The following SLCO4C1 variants were observed in gnomAD, a reference collection of about 807,000 sequenced individuals.
SLCO4C1 encodes organic anion transporter M1.
A neutral mutation model predicts 72.1 loss-of-function variants in SLCO4C1; 58 were observed. The ratio of observed to expected loss-of-function variants is 0.80; its 90% confidence interval spans 0.65 to 1.00. SLCO4C1 has a LOEUF of 1.00. Among genes scored for constraint, SLCO4C1 ranks in the 50% least tolerant of loss-of-function variants. The pLI is 0.00. For missense variants in SLCO4C1, 898 were observed against 857.9 expected (o/e 1.05, Z -0.58); for synonymous variants, 297 against 312.5 (o/e 0.95, Z 0.52).
Position 102,235,226 on chromosome 5 carries a change from C to T in SLCO4C1, c.*1632G>A, listed in dbSNP as rs1328877066. 1.3e-5 allele frequency: 2 copies of T among 152,194 alleles called. No homozygotes were observed. Among genetic ancestry groups the T allele is most frequent in the Non-Finnish European group, 2.9e-5 (2 of 68,032 alleles). 9.4% of individuals were successfully genotyped at this position (152,194 alleles called of 1,614,324 possible). On this transcript the variant is annotated 3_prime_UTR_variant, in exon 13 of 13. Coordinates refer to ENST00000310954, the MANE Select transcript of SLCO4C1 (RefSeq NM_180991.5). ...TCTTGGTTTCCTACAAGATCTAACA[C>T]TAAGCTTGTGTTATCCTGATTACAG...
intron 2 of SLCO4C1, among the ~76,000 whole-genome samples, chr5:102,281,925 A>G (rs534032379): frequency 6.6e-6 from 1 of 152,264 alleles, no homozygotes; most frequent in African/African-American, 2.4e-5. Context: ...AGAAAAATGA[A>G]AACTATGTTC....
At chr5:102,289,643 G>A (rs1320145389) in intron 2 of SLCO4C1, among the ~76,000 whole-genome samples, 1 of 152,170 alleles carries the variant, frequency 6.6e-6, no homozygotes, top group Non-Finnish European at 1.5e-5. Flanking sequence ...TAAAGCCTAC[G>A]CTGCAATATG....
intron 1 of SLCO4C1, among the ~76,000 whole-genome samples, chr5:102,292,583 C>T (rs538465649): frequency 7.2e-5 from 11 of 152,020 alleles, no homozygotes; most frequent in Non-Finnish European, 1.5e-4. Flanking sequence ...GATTCTAGAG[C>T]AAAAGTAAAC....
intron 5 of SLCO4C1, 64 bp from the exon 6 acceptor site, chr5:102,260,383 A>T (rs1488265429): frequency 7.1e-6 from 2 of 280,124 alleles, no homozygotes; most frequent in Non-Finnish European, 1.2e-5. Flanking sequence ...TTATATGTAT[A>T]ATATATATAA....
chr5:102,279,782 T>C (rs1749318894), intron 2 of SLCO4C1, among the ~76,000 whole-genome samples: 1 of 151,956 alleles, frequency 6.6e-6, no homozygotes, highest in Non-Finnish European at 1.5e-5. Flanking sequence ...CAAAAAATGT[T>C]AACTACTGTA....
At chr5:102,256,172 C>G (rs566221440) in intron 8 of SLCO4C1, among the ~76,000 whole-genome samples, 2 of 151,918 alleles carry the variant, frequency 1.3e-5, no homozygotes, top group Non-Finnish European at 2.9e-5. Context: ...CCACTGCACT[C>G]CAGCCTGGGT....
At chr5:102,247,016 C>T (rs998070685) in intron 10 of SLCO4C1, among the ~76,000 whole-genome samples, 10 of 152,130 alleles carry the variant, frequency 6.6e-5, no homozygotes, top group Non-Finnish European at 1.5e-4. Context: ...GCAGAGAAAA[C>T]ACCAAGCACA....
intron 2 of SLCO4C1, among the ~76,000 whole-genome samples, chr5:102,287,533 T>C (rs1749476814): frequency 7.5e-6 from 1 of 133,076 alleles, no homozygotes; most frequent in Non-Finnish European, 1.6e-5. Flanking sequence ...TTTTTTCACT[T>C]CTTTTTTTTT....
intron 2 of SLCO4C1, among the ~76,000 whole-genome samples, chr5:102,288,750 C>T (rs139503598): frequency 9.8e-5 from 15 of 152,304 alleles, no homozygotes; most frequent in African/African-American, 3.4e-4. Context: ...TTTTCTCCAG[C>T]CTGGAAATTA....
rs73778230 is a variant in SLCO4C1, at chr5:102,235,692, T to A, written c.*1166A>T. The A allele has an allele frequency of 6.6e-6, 1 of 152,266 alleles. No individual in the cohort carries two copies. Among genetic ancestry groups the A allele is most frequent in the African/African-American group, 2.4e-5 (1 of 41,458 alleles). The allele number at this position is 152,266 out of a possible 1,614,324, so 9.4% of individuals were successfully genotyped here. On this transcript the variant is annotated 3_prime_UTR_variant, in exon 13 of 13. Coordinates refer to ENST00000310954, the MANE Select transcript of SLCO4C1 (RefSeq NM_180991.5). ...GATCAGTAGTGGCATTAGATTCTCA[T>A]AGGAGTGCACACTCCATTGGGAACT...
intron 4 of SLCO4C1, among the ~76,000 whole-genome samples, chr5:102,262,415 G>A (rs1748959583): frequency 6.6e-6 from 1 of 152,256 alleles, no homozygotes; most frequent in South Asian, 2.1e-4. Context: ...AAAGTCCAGA[G>A]TGTGCTTCAA....
Position 102,291,275 on chromosome 5 carries a change from T to C in SLCO4C1, c.619+68A>G, listed in dbSNP as rs183754097. 3.5e-5 allele frequency: 53 copies of C among 1,504,732 alleles called. No individual in the cohort carries two copies. The Middle Eastern group carries it at 5.4e-4, about 15-fold the overall frequency. The allele number at this position is 1,504,732 out of a possible 1,614,324, so 93.2% of individuals were successfully genotyped here. A position where few individuals can be genotyped will look rare whatever the true frequency, so the allele number is the denominator to read the frequency against. On this transcript the variant is annotated intron_variant, in intron 2 of 12. Transcript: ENST00000310954. ...CATACTGTGTAAGTGAATTGCAATA[T>C]AAAGTTAATGACCTAGTTTTATCCA...
intron 9 of SLCO4C1, among the ~76,000 whole-genome samples, chr5:102,248,126 C>G (rs1748668468): frequency 6.6e-6 from 1 of 151,772 alleles, no homozygotes; most frequent in East Asian, 1.9e-4. Flanking sequence ...GAAACTTTAC[C>G]ACTCTCATTT....
At chr5:102,254,306 G>C (rs1748794238) in intron 8 of SLCO4C1, among the ~76,000 whole-genome samples, 1 of 152,140 alleles carries the variant, frequency 6.6e-6, no homozygotes, top group South Asian at 2.1e-4. Context: ...CCTAGTGATA[G>C]TGATAGTATT....
chr5:102,291,542 C>T lies in SLCO4C1; in HGVS notation c.420G>A (p.Lys140=), dbSNP rs2112405128. 1 of 1,614,044 alleles carries T rather than the reference C, an allele frequency of 6.2e-7. No homozygotes were observed. The highest frequency in any genetic ancestry group is 1.1e-5 in the South Asian group (1 of 91,084). ...ISTVEKRYEM[K]SSLTGLISSS... ...ATGAAATCAGGCCAGTCAGGGAACT[C>T]TTCATTTCATAACGCTTCTCAACAG... The change falls in exon 2 of 13, where the codon AAG becomes AAA. Residue 140 remains lysine, a synonymous_variant. Transcript: ENST00000310954.
chr5:102,242,423 T>C (rs948178818), intron 10 of SLCO4C1, among the ~76,000 whole-genome samples: 11 of 152,194 alleles, frequency 7.2e-5, no homozygotes, highest in Middle Eastern at 3.4e-3. Context: ...CAGCTCCAGG[T>C]TCCAAAAGAA....
rs572024181 is a variant in SLCO4C1 at position 102,234,564 on chromosome 5, C to T, written c.*2294G>A. Reference sequence around the variant, plus strand: ...CTTGATAGCTAAGAATCTTTATAAACGCCAATGATTTAGTGACCTGTTTAT... The same window carrying T: ...CTTGATAGCTAAGAATCTTTATAAATGCCAATGATTTAGTGACCTGTTTAT... On this transcript the variant is annotated 3_prime_UTR_variant, in exon 13 of 13. Transcript: ENST00000310954. 18 of 152,374 alleles carry T rather than the reference C, an allele frequency of 1.2e-4. No homozygotes were observed. The East Asian group carries it at 1.9e-3, about 16-fold the overall frequency. 9.4% of individuals were successfully genotyped at this position (152,374 alleles called of 1,614,324 possible).
intron 12 of SLCO4C1, 32 bp downstream of exon 12, chr5:102,239,219 T>C: frequency 6.6e-7 from 1 of 1,518,234 alleles, no homozygotes; most frequent in Non-Finnish European, 8.8e-7. Flanking sequence ...ATCCTTAGTT[T>C]ACTCTAAAAT....
intron 10 of SLCO4C1, among the ~76,000 whole-genome samples, chr5:102,245,758 A>G (rs1748624908): frequency 6.6e-6 from 1 of 152,208 alleles, no homozygotes; most frequent in African/African-American, 2.4e-5. Flanking sequence ...TCGTCAGCAC[A>G]TGGATCATTC....
Sources: gnomAD v4.1 joint callset for allele counts (sites outside exome capture counted in the v4.1 genomes callset) on GRCh38, gnomAD v4.1.1 for gene constraint, MANE v1.5 for transcripts, NCBI Gene and HGNC (gene_info 2026-07-23, HGNC 2026-07-21) for gene names.